PPFIA2: variants seen among roughly 807,000 people sequenced by gnomAD.
PPFIA2 encodes the protein PPFI scaffold protein A2.
Under a neutral mutation model 175.5 loss-of-function variants are expected in PPFIA2, and 46 were observed. The ratio of observed to expected loss-of-function variants is 0.26; its 90% CI spans 0.21 to 0.34. The LOEUF is 0.34. PPFIA2 is among the 10% of genes least tolerant of loss of function. The pLI is 1.00. For missense variants in PPFIA2, 1,179 were observed against 1,506.1 expected (o/e 0.78, Z 3.60); for synonymous variants, 568 against 511.4 (o/e 1.11, Z -1.49).
intron 4 of PPFIA2, among the ~76,000 whole-genome samples, chr12:81,637,191 T>A (rs1439502167): frequency 3.4e-5 from 5 of 145,350 alleles, no homozygotes; most frequent in Non-Finnish European, 7.5e-5. Flanking sequence ...TGCCTCAGCC[T>A]CCCAAGTAGC....
chr12:81,737,151 G>A (rs1597052863), intron 3 of PPFIA2, among the ~76,000 whole-genome samples: 1 of 151,970 alleles, frequency 6.6e-6, no homozygotes, highest in Non-Finnish European at 1.5e-5. Context: ...TTTAGAGTTT[G>A]GGATCTAGGG....
chr12:81,298,197 A>G (rs2046965578), intron 23 of PPFIA2: 2 of 152,240 alleles, frequency 1.3e-5, no homozygotes, highest in South Asian at 4.1e-4. Context: ...CTTGTGATTG[A>G]TTTTTTAAAT....
intron 5 of PPFIA2, among the ~76,000 whole-genome samples, chr12:81,450,412 G>C (rs1033172028): frequency 6.6e-6 from 1 of 152,136 alleles, no homozygotes; most frequent in Non-Finnish European, 1.5e-5. Context: ...ATTTTTTCAT[G>C]TGTCTGTTGG....
At position 81,405,801 on chromosome 12, in the gene PPFIA2, T is replaced by C; in HGVS notation, c.748A>G (p.Lys250Glu). The C allele has an allele frequency of 1.9e-6, 3 of 1,564,554 alleles. No homozygotes were observed. Among genetic ancestry groups the C allele is most frequent in the Non-Finnish European group, 2.6e-6 (3 of 1,151,064 alleles). The stretch of plus-strand genomic sequence containing the variant: ...GTGTGTCATACCTTCTCATGGACTT[T>C]CTGTCCAGGTTCCATCCCTTCAAGA... Reference protein sequence around the residue: ...EHLEGMEPGQKVHEKRLSNGS... With the variant: ...EHLEGMEPGQEVHEKRLSNGS... Residue 250 changes from lysine (K) to glutamate (E), a missense_variant, in exon 8 of 33, where the codon AAA becomes GAA. This residue lies in a region of PPFIA2 where 226 missense variants were observed against 216.6 expected (regional missense o/e 1.04). Coordinates refer to ENST00000549396, the MANE Select transcript of PPFIA2 (RefSeq NM_003625.5).
chr12:81,462,453 T>G (rs917005267), intron 4 of PPFIA2, among the ~76,000 whole-genome samples: 2 of 147,302 alleles, frequency 1.4e-5, no homozygotes, highest in African/African-American at 4.9e-5. Flanking sequence ...CTTCTAAGAT[T>G]TCTCACTGCT....
At chr12:81,296,898 A>G (rs1283133942) in intron 23 of PPFIA2, 1 of 152,000 alleles carries the variant, frequency 6.6e-6, no homozygotes, top group African/African-American at 2.4e-5. Flanking sequence ...TTTTGGGGGT[A>G]GGATTGGCCC....
chr12:81,428,928 T>C (rs1053057190), intron 7 of PPFIA2, among the ~76,000 whole-genome samples: 16 of 152,042 alleles, frequency 1.1e-4, no homozygotes, highest in African/African-American at 3.4e-4. Flanking sequence ...CACTGTCCTA[T>C]GCAAACACTG....
intron 4 of PPFIA2, among the ~76,000 whole-genome samples, chr12:81,641,782 T>C (rs762734797): frequency 3.9e-5 from 6 of 152,150 alleles, no homozygotes; most frequent in Non-Finnish European, 8.8e-5. Flanking sequence ...CATAGAATCA[T>C]AGGTGAAATG....
chr12:81,431,547 T>C (rs2048098115), intron 7 of PPFIA2: 1 of 152,206 alleles, frequency 6.6e-6, no homozygotes, highest in African/African-American at 2.4e-5. Flanking sequence ...TTATTTACAA[T>C]ATTTTGTTTG....
chr12:81,270,424 C>A (rs546922237), intron 28 of PPFIA2, among the ~76,000 whole-genome samples: 75 of 152,108 alleles, frequency 4.9e-4, no homozygotes, highest in Non-Finnish European at 9.6e-4. Context: ...GATATCAGGT[C>A]TTTATAGAAA....
At chr12:81,376,192 ACT>A (rs2141731821) in intron 9 of PPFIA2, among the ~76,000 whole-genome samples, 1 of 152,246 alleles carries the variant, frequency 6.6e-6, no homozygotes, top group East Asian at 1.9e-4. Context: ...AGCTTTTGAA[ACT>A]CTCTACTGTA....
At chr12:81,286,011 T>C (rs1042753292) in intron 24 of PPFIA2, among the ~76,000 whole-genome samples, 2 of 152,010 alleles carry the variant, frequency 1.3e-5, no homozygotes, top group South Asian at 2.1e-4. Context: ...ACAGTGATAC[T>C]GATGGTCCCG....
At chr12:81,690,312 T>C (rs763145139) in intron 3 of PPFIA2, among the ~76,000 whole-genome samples, 8 of 152,242 alleles carry the variant, frequency 5.3e-5, no homozygotes, top group Admixed American at 1.3e-4. Flanking sequence ...CATCAAGCCA[T>C]GTGAAAATAT....
At chr12:81,695,185 A>G (rs1596472015) in intron 3 of PPFIA2, among the ~76,000 whole-genome samples, 2 of 152,110 alleles carry the variant, frequency 1.3e-5, no homozygotes, top group South Asian at 4.1e-4. Flanking sequence ...GCATGATTGT[A>G]TTTTGCAATG....
intron 17 of PPFIA2, among the ~76,000 whole-genome samples, chr12:81,349,833 G>A (rs924657416): frequency 6.6e-6 from 1 of 152,140 alleles, no homozygotes; most frequent in South Asian, 2.1e-4. Context: ...TGTGGCAAAT[G>A]AGTTTGAAGT....
chr12:81,682,445 A>G (rs745617729), intron 3 of PPFIA2, among the ~76,000 whole-genome samples: 1 of 152,014 alleles, frequency 6.6e-6, no homozygotes, highest in Non-Finnish European at 1.5e-5. Flanking sequence ...ATGCATGCAT[A>G]TTTGTAATTT....
chr12:81,503,992 A>G (rs577473752), intron 4 of PPFIA2, among the ~76,000 whole-genome samples: 3 of 152,214 alleles, frequency 2.0e-5, no homozygotes, highest in Admixed American at 1.3e-4. Flanking sequence ...CAATATATTT[A>G]AAATAAGATG....
intron 4 of PPFIA2, among the ~76,000 whole-genome samples, chr12:81,518,473 G>A (rs922995865): frequency 6.6e-6 from 1 of 152,032 alleles, no homozygotes; most frequent in Non-Finnish European, 1.5e-5. Flanking sequence ...ACTCCTCCAC[G>A]CTTTCTCATG....
intron 8 of PPFIA2, among the ~76,000 whole-genome samples, chr12:81,385,175 T>C (rs2038649958): frequency 6.6e-6 from 1 of 152,126 alleles, no homozygotes; most frequent in Non-Finnish European, 1.5e-5. Flanking sequence ...TCATACCTGT[T>C]AGAATGGCTA....
Sources: allele counts gnomAD v4.1 joint callset (sites outside exome capture counted in the v4.1 genomes callset), GRCh38; gene constraint gnomAD v4.1.1; regional missense constraint gnomAD v4.1.1; transcripts MANE v1.5; gene names NCBI Gene and HGNC (gene_info 2026-07-23, HGNC 2026-07-21).